KIAA1671: variants seen among roughly 807,000 people sequenced by gnomAD.
KIAA1671 encodes the protein uncharacterized protein KIAA1671.
Under a neutral mutation model 131.2 loss-of-function variants are expected in KIAA1671, and 52 were observed. The observed-to-expected ratio is 0.40, with a 90% CI of 0.32 to 0.50. KIAA1671 has a LOEUF of 0.50. Ranked by LOEUF, KIAA1671 falls within the 20% of genes least tolerant of loss-of-function variation. KIAA1671 has a pLI of 0.73. For missense variants in KIAA1671, 2,360 were observed against 2,364.2 expected, an observed-to-expected ratio of 1.00 and a Z score of 0.04; for synonymous variants, 1,003 against 961.6, an observed-to-expected ratio of 1.04 and a Z score of -0.80.
At chr22:25,154,425 C>T (rs542917944) in intron 6 of KIAA1671, among the ~76,000 whole-genome samples, 1 of 152,374 alleles carries the variant, frequency 6.6e-6, no homozygotes, top group East Asian at 1.9e-4. Flanking sequence ...TCTGTCCTGA[C>T]TTGGGCATTG....
At chr22:25,098,361 AC>A (rs1421821404) in intron 6 of KIAA1671, among the ~76,000 whole-genome samples, 1 of 152,000 alleles carries the variant, frequency 6.6e-6, no homozygotes, top group Non-Finnish European at 1.5e-5. Context: ...ACAAAGACTT[AC>A]CGAATGCCTC....
intron 1 of KIAA1671, among the ~76,000 whole-genome samples, chr22:25,009,241 CT>C (rs1341549257): frequency 1.4e-5 from 2 of 144,450 alleles, no homozygotes; most frequent in African/African-American, 5.1e-5. Flanking sequence ...TCTTGGCACT[CT>C]CCCTTCCCCA....
intron 6 of KIAA1671, among the ~76,000 whole-genome samples, chr22:25,073,065 C>T (rs1293022550): frequency 6.6e-6 from 1 of 152,068 alleles, no homozygotes; most frequent in Non-Finnish European, 1.5e-5. Flanking sequence ...TGTTATTCTA[C>T]CTTTTTGTTT....
intron 6 of KIAA1671, chr22:25,054,811 GTCTGAGT>G (rs1927753392): frequency 6.7e-6 from 1 of 149,818 alleles, no homozygotes; most frequent in African/African-American, 2.4e-5. Flanking sequence ...AGACCAAAGA[GTCTGAGT>G]TCTAAGTCTT....
intron 6 of KIAA1671, among the ~76,000 whole-genome samples, chr22:25,128,844 A>G (rs1181518811): frequency 1.3e-5 from 2 of 152,208 alleles, no homozygotes; most frequent in African/African-American, 4.8e-5. Context: ...AATATAATAC[A>G]AGGCTTCTGA....
chr22:25,103,741 C>A (rs1021809199), intron 6 of KIAA1671, among the ~76,000 whole-genome samples: 1 of 152,136 alleles, frequency 6.6e-6, no homozygotes, highest in South Asian at 2.1e-4. Context: ...ATCCGCCCAT[C>A]GCGGTCTCCC....
chr22:25,050,212 G>T (rs1927463746), intron 6 of KIAA1671: 3 of 152,262 alleles, frequency 2.0e-5, no homozygotes, highest in African/African-American at 7.2e-5. Flanking sequence ...AAGGAGGTGA[G>T]TACACACTGA....
chr22:25,038,364 A>C (rs1404582265), intron 4 of KIAA1671, among the ~76,000 whole-genome samples: 3 of 152,148 alleles, frequency 2.0e-5, no homozygotes, highest in Non-Finnish European at 4.4e-5. Flanking sequence ...GAGATAATTG[A>C]AATTTAGCCA....
At chr22:24,987,392 C>T (rs1569199278) in intron 1 of KIAA1671, among the ~76,000 whole-genome samples, 1 of 151,892 alleles carries the variant, frequency 6.6e-6, no homozygotes, top group African/African-American at 2.4e-5. Flanking sequence ...AGGATGTTCT[C>T]GATCTCCTGA....
At chr22:25,036,905 CAA>C (rs1301633348) in intron 4 of KIAA1671, among the ~76,000 whole-genome samples, 8 of 150,630 alleles carry the variant, frequency 5.3e-5, no homozygotes, top group Admixed American at 1.3e-4. Context: ...GCCTGGGTGA[CAA>C]GAGCGAAACT....
chr22:25,039,558 G>A lies in KIAA1671; in HGVS notation c.2428G>A (p.Gly810Arg), dbSNP rs1185837363. The change falls in exon 5 of 13, where the codon GGA (glycine) becomes AGA (arginine). Residue 810 changes from glycine (G) to arginine (R), a missense_variant. Around this residue, in one of 3 missense-constraint regions of KIAA1671, gnomAD observed 1,185 missense variants for 1,126.2 expected, o/e 1.05. Coordinates refer to ENST00000358431, the MANE Select transcript of KIAA1671 (RefSeq NM_001145206.2). ...WEARGMPEASGPKFGGNCPFP... is the reference protein window; with the variant it reads ...WEARGMPEASRPKFGGNCPFP... The stretch of plus-strand genomic sequence containing the variant: ...AGCTCGAGGCATGCCTGAGGCTAGT[G>A]GACCGAAGTTTGGGGGCAATTGCCC... 18 of 1,551,686 alleles carry A rather than the reference G, an allele frequency of 1.2e-5. No homozygotes were observed. Among genetic ancestry groups the A allele is most frequent in the Non-Finnish European group, 1.6e-5 (18 of 1,147,030 alleles).
chr22:25,068,729 C>G (rs1928638375), intron 6 of KIAA1671, among the ~76,000 whole-genome samples: 1 of 152,232 alleles, frequency 6.6e-6, no homozygotes, highest in African/African-American at 2.4e-5. Flanking sequence ...AGCCACCGTG[C>G]CCAGCCCACC....
At chr22:25,033,328 T>C (rs1426296494) in intron 4 of KIAA1671, among the ~76,000 whole-genome samples, 1 of 152,128 alleles carries the variant, frequency 6.6e-6, no homozygotes, top group Non-Finnish European at 1.5e-5. Context: ...ACTTTGAGGC[T>C]GCAGTGAGCC....
At chr22:25,187,432 T>G (rs552209122) in intron 11 of KIAA1671, among the ~76,000 whole-genome samples, 194 of 152,348 alleles carry the variant, frequency 1.3e-3, no homozygotes, top group Non-Finnish European at 2.1e-3. Flanking sequence ...ATGTTCCATA[T>G]GAATGTTTTC....
chr22:24,992,086 G>A (rs184695391), intron 1 of KIAA1671, among the ~76,000 whole-genome samples: 16 of 152,240 alleles, frequency 1.1e-4, no homozygotes, highest in African/African-American at 2.6e-4. Context: ...GGCAGACACC[G>A]CCCTTGGCAT....
chr22:25,056,014 C>A (rs1332754686), intron 6 of KIAA1671: 1 of 147,622 alleles, frequency 6.8e-6, no homozygotes, highest in African/African-American at 2.5e-5. Flanking sequence ...TGCCACCATG[C>A]CCAGCTAATT....
At chr22:25,111,184 C>T (rs531708033) in intron 6 of KIAA1671, among the ~76,000 whole-genome samples, 28 of 152,350 alleles carry the variant, frequency 1.8e-4, no homozygotes, top group African/African-American at 5.8e-4. Flanking sequence ...CGTTTCCCAG[C>T]AGTGCTAACC....
At position 24,960,125 on chromosome 22, in the gene KIAA1671, C is replaced by T. The variant is rs199967943; in HGVS notation, c.-208+7353C>T. On this transcript the variant is annotated intron_variant, in intron 1 of 12. Coordinates refer to ENST00000358431, the MANE Select transcript of KIAA1671 (RefSeq NM_001145206.2). ...GCAGCCTGGCGACAGAGTGAGACTCCGTCTCAAATAAATAAATAAATAAAT... is the reference window on the plus strand; with the variant it reads ...GCAGCCTGGCGACAGAGTGAGACTCTGTCTCAAATAAATAAATAAATAAAT... Among the ~76,000 whole-genome samples, 499 of 135,384 alleles carry T rather than the reference C, an allele frequency of 3.7e-3. 14 individuals carry two copies. In the East Asian group the frequency reaches 0.04, roughly 11 times the overall value. The allele number at this position is 135,384 out of a possible 152,430, so 88.8% of individuals were successfully genotyped here.
At chr22:25,114,911 A>G (rs1344783994) in intron 6 of KIAA1671, among the ~76,000 whole-genome samples, 3 of 152,224 alleles carry the variant, frequency 2.0e-5, no homozygotes, top group African/African-American at 4.8e-5. Flanking sequence ...GACCTTGTAC[A>G]TGATTTATCT....
Sources: gnomAD v4.1 joint callset for allele counts (sites outside exome capture counted in the v4.1 genomes callset) on GRCh38, gnomAD v4.1.1 for gene constraint, gnomAD v4.1.1 regional missense constraint, MANE v1.5 for transcripts, NCBI Gene and HGNC (gene_info 2026-07-23, HGNC 2026-07-21) for gene names.